Variants in KLRG1 observed in about 807,000 individuals in gnomAD.
The protein encoded by KLRG1 is killer cell lectin-like receptor subfamily G member 1.
Under a neutral mutation model 21.8 loss-of-function variants are expected in KLRG1, and 16 were observed. The ratio of observed to expected loss-of-function variants is 0.73; its 90% CI spans 0.50 to 1.11. The LOEUF (loss-of-function observed/expected upper bound fraction) is 1.11. KLRG1 is among the 50% of genes most tolerant of loss of function. The pLI, the probability that KLRG1 is intolerant of heterozygous loss-of-function variation, is 0.00. For synonymous variants in KLRG1, 69 were observed against 75.9 expected (o/e 0.91, Z 0.47); for missense variants, 173 against 218.3 (o/e 0.79, Z 1.31).
chr12:9,198,959 CTGTT>C, the KLRG1 span, among the ~76,000 whole-genome samples: 1 of 152,134 alleles, frequency 6.6e-6, no homozygotes, highest in African/African-American at 2.4e-5. Context: ...CCCTCTGGGA[CTGTT>C]TGTTTGTAGG....
chr12:9,132,487 AT>A, the KLRG1 span, among the ~76,000 whole-genome samples: 1 of 152,220 alleles, frequency 6.6e-6, no homozygotes, highest in Admixed American at 6.5e-5. Flanking sequence ...TCTGGTTTCC[AT>A]TCTGCAGGCA....
the KLRG1 span, among the ~76,000 whole-genome samples, chr12:9,180,681 T>A: frequency 6.6e-6 from 1 of 152,116 alleles, no homozygotes; most frequent in South Asian, 2.1e-4. Context: ...ATGTTAGACC[T>A]AAAACCATAA....
chr12:9,094,365 A>ATG, the KLRG1 span, among the ~76,000 whole-genome samples: 1 of 145,594 alleles, frequency 6.9e-6, no homozygotes, highest in African/African-American at 2.5e-5. Context: ...ATATATATAT[A>ATG]TATATATATA....
chr12:9,110,191 G>A, the KLRG1 span: 1 of 1,111,324 alleles, frequency 9.0e-7, no homozygotes, highest in Non-Finnish European at 1.3e-6. Context: ...CTAGCTCTAT[G>A]GGAGTTTGAA....
At chr12:8,957,869 T>C (rs886771062) in intron 1 of KLRG1, among the ~76,000 whole-genome samples, 58 of 152,326 alleles carry the variant, frequency 3.8e-4, no homozygotes, top group Non-Finnish European at 1.5e-4. Context: ...GAGTAGTTTA[T>C]TTCTGGAATT....
the KLRG1 span, chr12:9,111,575 G>C: frequency 1.5e-5 from 7 of 456,004 alleles, no homozygotes; most frequent in Admixed American, 4.7e-5. Context: ...ATGAGAGAAA[G>C]AGAAACAAGA....
At chr12:9,171,670 G>GC in the KLRG1 span, among the ~76,000 whole-genome samples, 3 of 152,166 alleles carry the variant, frequency 2.0e-5, no homozygotes, top group Non-Finnish European at 4.4e-5. Context: ...GCTGAAAACC[G>GC]CATCTCAAGA....
the KLRG1 span, chr12:9,194,077 C>T: frequency 6.2e-7 from 1 of 1,611,464 alleles, no homozygotes; most frequent in Non-Finnish European, 8.5e-7. Context: ...CTATACTTAC[C>T]CGGACAAAAA....
the KLRG1 span, among the ~76,000 whole-genome samples, chr12:9,088,325 A>T: frequency 2.4e-3 from 358 of 152,208 alleles, 1 homozygote; most frequent in Non-Finnish European, 4.2e-3. Flanking sequence ...TGGTAATTAA[A>T]ATGAAATTTA....
Position 8,989,683 on chromosome 12 carries a change from C to G in KLRG1, c.48C>G (p.Thr16=). 13 of 1,610,462 alleles carry G rather than the reference C, an allele frequency of 8.1e-6. No individual in the cohort carries two copies. Among genetic ancestry groups the G allele is most frequent in the Middle Eastern group, 1.7e-4 (1 of 6,058 alleles). The part of the protein sequence containing the change: ...IYSMLELPTA[T]QAQNDYGPQQ... Reference sequence around the variant, plus strand: ...CCATGTTAGAGTTGCCTACGGCAACCCAAGCCCAGAATGACTATGGACCAC... The same window carrying G: ...CCATGTTAGAGTTGCCTACGGCAACGCAAGCCCAGAATGACTATGGACCAC... Residue 16 remains threonine (T), a synonymous_variant, in exon 1 of 5, where the codon ACC becomes ACG. Transcript: ENST00000356986.
rs767864445 is a variant in KLRG1, at chr12:8,989,961, C to A, written c.82+244C>A. On this transcript the variant is annotated intron_variant, in intron 1 of 4. Coordinates refer to ENST00000356986, the MANE Select transcript of KLRG1 (RefSeq NM_005810.4). Reference sequence around the variant, plus strand: ...CACTTCTTTGATCGCATCTTAGAAACCCAACTTAGGGCATTGCCGTTATTC... The same window carrying A: ...CACTTCTTTGATCGCATCTTAGAAAACCAACTTAGGGCATTGCCGTTATTC... Among the ~76,000 whole-genome samples, 6 of 152,348 alleles carry A rather than the reference C, an allele frequency of 3.9e-5. No individual in the cohort carries two copies. The East Asian group carries it at 7.7e-4, about 20-fold the overall frequency.
At chr12:9,092,790 AC>A in the KLRG1 span, among the ~76,000 whole-genome samples, 1 of 152,204 alleles carries the variant, frequency 6.6e-6, no homozygotes, top group Admixed American at 6.5e-5. Flanking sequence ...TGAAATAAGC[AC>A]CTTGTAGAGA....
chr12:8,956,021 G>A (rs1350899611), intron 1 of KLRG1, among the ~76,000 whole-genome samples: 4 of 152,134 alleles, frequency 2.6e-5, no homozygotes, highest in Non-Finnish European at 5.9e-5. Flanking sequence ...GCTACACAGT[G>A]GGACTACCAC....
At chr12:9,120,068 G>C in the KLRG1 span, among the ~76,000 whole-genome samples, 4 of 152,190 alleles carry the variant, frequency 2.6e-5, no homozygotes, top group African/African-American at 9.7e-5. Flanking sequence ...TTTCATACAA[G>C]ATGCTAGGTG....
chr12:9,166,143 G>T, the KLRG1 span: 6 of 1,613,862 alleles, frequency 3.7e-6, no homozygotes, highest in African/African-American at 1.3e-5. Context: ...TTATTTAAGG[G>T]TATCACATTA....
At chr12:9,181,107 TG>T in the KLRG1 span, 1 of 1,614,154 alleles carries the variant, frequency 6.2e-7, no homozygotes, top group Admixed American at 1.7e-5. Context: ...TGGGGGACTT[TG>T]TGCTGGGCTG....
the KLRG1 span, among the ~76,000 whole-genome samples, chr12:9,049,505 T>C: frequency 6.6e-6 from 1 of 152,164 alleles, no homozygotes; most frequent in Non-Finnish European, 1.5e-5. Context: ...AAAATAAAAC[T>C]TAAAGCAAAA....
chr12:9,101,238 T>C, the KLRG1 span: 1 of 1,549,012 alleles, frequency 6.5e-7, no homozygotes. Flanking sequence ...AGAAATTAAA[T>C]GTGCCAGAGA....
At chr12:9,073,173 A>G in the KLRG1 span, among the ~76,000 whole-genome samples, 2 of 152,206 alleles carry the variant, frequency 1.3e-5, no homozygotes, top group Non-Finnish European at 1.5e-5. Flanking sequence ...GCAATCAGTT[A>G]TTGGCATCAG....
Sources: gnomAD v4.1 joint callset for allele counts (sites outside exome capture counted in the v4.1 genomes callset) on GRCh38, gnomAD v4.1.1 for gene constraint, MANE v1.5 for transcripts, NCBI Gene and HGNC (gene_info 2026-07-23, HGNC 2026-07-21) for gene names.